Variants in RTN1 observed in about 807,000 individuals in gnomAD.
RTN1 encodes reticulon-1.
Under a neutral mutation model 65.5 loss-of-function variants are expected in RTN1, and 25 were observed. That is an observed-to-expected ratio of 0.38 (90% CI 0.28 to 0.53). The LOEUF (loss-of-function observed/expected upper bound fraction) is 0.53. Ranked by LOEUF, RTN1 falls within the 20% of genes least tolerant of loss-of-function variation. The pLI, the probability that RTN1 is intolerant of heterozygous loss-of-function variation, is 0.79. For missense variants in RTN1, 983 were observed against 1,025.4 expected, an observed-to-expected ratio of 0.96 and a Z score of 0.57; for synonymous variants, 471 against 447.6, an observed-to-expected ratio of 1.05 and a Z score of -0.66.
chr14:59,627,786 GGAGTCT>G (rs1280097616), intron 3 of RTN1, among the ~76,000 whole-genome samples: 1 of 151,710 alleles, frequency 6.6e-6, no homozygotes, highest in Non-Finnish European at 1.5e-5. Context: ...TAGTTTCAGT[GGAGTCT>G]TCATGAAATA....
chr14:59,818,809 GCAAC>G (rs1886868358), intron 1 of RTN1, among the ~76,000 whole-genome samples: 2 of 152,210 alleles, frequency 1.3e-5, no homozygotes, highest in Non-Finnish European at 2.9e-5. Flanking sequence ...CCTTCTATCT[GCAAC>G]CTCAGCGACA....
chr14:59,789,540 G>C (rs528230899), intron 1 of RTN1, among the ~76,000 whole-genome samples: 3 of 152,110 alleles, frequency 2.0e-5, no homozygotes, highest in African/African-American at 7.2e-5. Context: ...GAGCTTGAAA[G>C]CCTCATTGAA....
At chr14:59,666,719 G>C (rs967399600) in intron 3 of RTN1, among the ~76,000 whole-genome samples, 1 of 151,852 alleles carries the variant, frequency 6.6e-6, no homozygotes, top group Admixed American at 6.6e-5. Context: ...GAAGAAAAGA[G>C]AGAAGATTCA....
chr14:59,681,086 C>G (rs1330105515), intron 3 of RTN1, among the ~76,000 whole-genome samples: 1 of 152,054 alleles, frequency 6.6e-6, no homozygotes, highest in Non-Finnish European at 1.5e-5. Context: ...GTGTCTATCT[C>G]TATTTCCCAT....
chr14:59,860,762 A>G (rs1887694772), intron 1 of RTN1, among the ~76,000 whole-genome samples: 1 of 152,084 alleles, frequency 6.6e-6, no homozygotes, highest in Non-Finnish European at 1.5e-5. Context: ...ATGGGAACCC[A>G]CCTCCTGCAT....
intron 1 of RTN1, among the ~76,000 whole-genome samples, chr14:59,777,469 A>C (rs1418595130): frequency 6.6e-6 from 1 of 152,168 alleles, no homozygotes; most frequent in Non-Finnish European, 1.5e-5. Context: ...TGTGCTGATC[A>C]TGAGTGGTAC....
At chr14:59,808,666 A>T (rs1328312772) in intron 1 of RTN1, among the ~76,000 whole-genome samples, 13 of 152,066 alleles carry the variant, frequency 8.5e-5, no homozygotes. Context: ...GTAATCCTTA[A>T]TGTTGGCAGT....
intron 3 of RTN1, among the ~76,000 whole-genome samples, chr14:59,640,811 A>C (rs1882760933): frequency 6.6e-6 from 1 of 152,016 alleles, no homozygotes; most frequent in Non-Finnish European, 1.5e-5. Flanking sequence ...TTAAAGAATA[A>C]AATTTTTACT....
chr14:59,778,168 A>G (rs1886089167), intron 1 of RTN1, among the ~76,000 whole-genome samples: 1 of 152,168 alleles, frequency 6.6e-6, no homozygotes, highest in Admixed American at 6.5e-5. Flanking sequence ...TGACCAGGTC[A>G]TTACCTCTAT....
intron 3 of RTN1, among the ~76,000 whole-genome samples, chr14:59,673,825 G>A (rs1354416666): frequency 6.6e-6 from 1 of 152,166 alleles, no homozygotes; most frequent in Non-Finnish European, 1.5e-5. Flanking sequence ...ACTGAGGACT[G>A]TCCCTGTCTG....
chr14:59,725,978 C>A (rs550394340), intron 3 of RTN1, among the ~76,000 whole-genome samples: 56 of 152,292 alleles, frequency 3.7e-4, no homozygotes, highest in African/African-American at 1.3e-3. Flanking sequence ...ACCTTGAATA[C>A]AGTTGTTAGG....
chr14:59,634,001 A>T (rs1355233704), intron 3 of RTN1, among the ~76,000 whole-genome samples: 1 of 152,256 alleles, frequency 6.6e-6, no homozygotes. Context: ...CATAAAGCAG[A>T]GTTCCTACTT....
At chr14:59,824,127 A>G (rs1886990257) in intron 1 of RTN1, among the ~76,000 whole-genome samples, 1 of 152,196 alleles carries the variant, frequency 6.6e-6, no homozygotes, top group African/African-American at 2.4e-5. Context: ...CGCTGAACCC[A>G]ATACCTGGAT....
At chr14:59,623,902 A>G (rs1455219356) in intron 3 of RTN1, among the ~76,000 whole-genome samples, 3 of 152,248 alleles carry the variant, frequency 2.0e-5, no homozygotes, top group East Asian at 1.9e-4. Context: ...CTTGATGCCA[A>G]TTATCACCAA....
rs1245948216 is a variant in RTN1, at chr14:59,749,568, G to GAT, written c.242-3089_242-3088dup. On this transcript the variant is annotated intron_variant, in intron 1 of 8. Transcript: ENST00000267484. ...ATATTTATATAGATATCTATATATA[G>GAT]ATATATATATATAGATATTTATATA... 1.6e-3 allele frequency among the ~76,000 whole-genome samples: 31 copies of GAT among 19,840 alleles called. 5 individuals are homozygous for GAT. Among genetic ancestry groups the GAT allele is most frequent in the Admixed American group, 5.3e-3 (5 of 952 alleles). The allele number at this position is 19,840 out of a possible 152,430, so 13.0% of individuals were successfully genotyped here. A position where few individuals can be genotyped will look rare whatever the true frequency, so the allele number is the denominator to read the frequency against.
Position 59,746,287 on chromosome 14 carries a change from G to C in RTN1, c.436C>G (p.Pro146Ala), listed in dbSNP as rs201772224. The C allele has an allele frequency of 6.2e-7, 1 of 1,613,816 alleles. No individual in the cohort carries two copies. Among genetic ancestry groups the C allele is most frequent in the Admixed American group, 1.7e-5 (1 of 59,966 alleles). ...GGCACATCTGGTAAGGAGGGGCCGG[G>C]TGTACCCAGCTCCTCAGGGCTCTCT... ...ISESPEELGTPGPSLPDVPGI... is the reference protein window; with the variant it reads ...ISESPEELGTAGPSLPDVPGI... Residue 146 changes from proline (P) to alanine (A), a missense_variant, in exon 2 of 9, where the codon CCC becomes GCC. Physicochemically the swap from Pro to Ala is conservative, Grantham distance 27 (BLOSUM62 -1). Around this residue, in one of 2 missense-constraint regions of RTN1, gnomAD observed 818 missense variants for 801.8 expected, o/e 1.02. Transcript: ENST00000267484.
At chr14:59,664,953 C>T (rs935884799) in intron 3 of RTN1, among the ~76,000 whole-genome samples, 3 of 152,148 alleles carry the variant, frequency 2.0e-5, no homozygotes, top group Admixed American at 6.6e-5. Context: ...ATATTCCCAC[C>T]AGCAATGAAT....
chr14:59,756,074 A>G (rs986323552), intron 1 of RTN1, among the ~76,000 whole-genome samples: 2 of 152,218 alleles, frequency 1.3e-5, no homozygotes, highest in Non-Finnish European at 2.9e-5. Flanking sequence ...AAATTCTCTT[A>G]AAGGAAAAAT....
chr14:59,652,386 C>T (rs1406989182), intron 3 of RTN1, among the ~76,000 whole-genome samples: 1 of 152,146 alleles, frequency 6.6e-6, no homozygotes, highest in African/African-American at 2.4e-5. Flanking sequence ...ACACTGTGTT[C>T]ACGGCAGCAC....
Sources: gnomAD v4.1 joint callset for allele counts (sites outside exome capture counted in the v4.1 genomes callset) on GRCh38, gnomAD v4.1.1 for gene constraint, gnomAD v4.1.1 regional missense constraint, MANE v1.5 for transcripts, NCBI Gene and HGNC (gene_info 2026-07-23, HGNC 2026-07-21) for gene names.